MYCBP2: variants seen among roughly 807,000 people sequenced by gnomAD.
The protein encoded by MYCBP2 is MYC binding protein 2, also known as E3 ubiquitin-protein ligase MYCBP2.
A neutral mutation model predicts 525.3 loss-of-function variants in MYCBP2; 120 were observed. That is an observed-to-expected ratio of 0.23 (90% CI 0.20 to 0.27). The LOEUF is 0.27. MYCBP2 is among the 10% of genes least tolerant of loss of function. The pLI is 1.00. For synonymous variants in MYCBP2, 1,894 were observed against 1,955.8 expected, an observed-to-expected ratio of 0.97 and a Z score of 0.83; for missense variants, 4,149 against 5,657.1, an observed-to-expected ratio of 0.73 and a Z score of 8.55.
chr13:77,064,815 C>T (rs1841575480), intron 72 of MYCBP2, 81 bp from the exon 73 acceptor site: 11 of 1,290,034 alleles, frequency 8.5e-6, no homozygotes, highest in African/African-American at 1.5e-5. Context: ...AATAACATCT[C>T]CTATCAAAGG....
At chr13:77,202,667 C>A (rs2062775640) in intron 26 of MYCBP2, among the ~76,000 whole-genome samples, 1 of 151,878 alleles carries the variant, frequency 6.6e-6, no homozygotes, top group Admixed American at 6.6e-5. Flanking sequence ...CAAAACGAAT[C>A]CAGCAGCACA....
chr13:77,247,824 A>G (rs2154323444), intron 15 of MYCBP2, among the ~76,000 whole-genome samples: 1 of 152,304 alleles, frequency 6.6e-6, no homozygotes, highest in South Asian at 2.1e-4. Context: ...AAGGATAATC[A>G]TTTCAATAAA....
At position 77,144,551 on chromosome 13, in the gene MYCBP2, C is replaced by G; in HGVS notation, c.7197G>C (p.Glu2399Asp). The G allele has an allele frequency of 6.2e-7, 1 of 1,609,570 alleles. No homozygotes were observed. Among genetic ancestry groups the G allele is most frequent in the Non-Finnish European group, 8.5e-7 (1 of 1,176,018 alleles). ...FASPTPKRPS[E>D]NMLIRVNNDG... ...CATTATTGACACGGATCAGCATATT[C>G]TCACTGGGTCTGAAAAGAAATAAGA... Residue 2399 changes from glutamate (E) to aspartate (D), a missense_variant, in exon 49 of 83, where the codon GAG (glutamate) becomes GAC (aspartate). Around this residue, in one of 21 missense-constraint regions of MYCBP2, gnomAD observed 692 missense variants for 852.7 expected, o/e 0.81. Transcript: ENST00000544440.
chr13:77,246,998 A>G (rs936763315), intron 15 of MYCBP2, among the ~76,000 whole-genome samples: 2 of 152,180 alleles, frequency 1.3e-5, no homozygotes, highest in Admixed American at 1.3e-4. Context: ...TGAAAAACAC[A>G]CAGTGAACAT....
chr13:77,256,488 A>G (rs770502485), intron 14 of MYCBP2, among the ~76,000 whole-genome samples: 1 of 152,098 alleles, frequency 6.6e-6, no homozygotes, highest in Middle Eastern at 3.2e-3. Flanking sequence ...ATTATCAAAT[A>G]AATAAGAAAT....
intron 13 of MYCBP2, among the ~76,000 whole-genome samples, chr13:77,258,372 T>A (rs2072615755): frequency 6.6e-6 from 1 of 152,232 alleles, no homozygotes; most frequent in South Asian, 2.1e-4. Context: ...ACTTTCATTA[T>A]ATTTGTCATA....
At chr13:77,254,976 C>T (rs1018216789) in intron 14 of MYCBP2, among the ~76,000 whole-genome samples, 8 of 151,936 alleles carry the variant, frequency 5.3e-5, no homozygotes, top group Non-Finnish European at 8.8e-5. Flanking sequence ...GTATGTACCA[C>T]ATTTTCTTTA....
intron 24 of MYCBP2, among the ~76,000 whole-genome samples, chr13:77,206,013 CAA>C (rs992397336): frequency 6.6e-6 from 1 of 151,980 alleles, no homozygotes; most frequent in African/African-American, 2.4e-5. Flanking sequence ...AAAAAAGAAA[CAA>C]AGAGTTATAT....
At chr13:77,133,305 ATAAT>A (rs2053217637) in intron 52 of MYCBP2, among the ~76,000 whole-genome samples, 1 of 152,216 alleles carries the variant, frequency 6.6e-6, no homozygotes, top group African/African-American at 2.4e-5. Flanking sequence ...ATTAAATGAG[ATAAT>A]TAAGGCAAGG....
intron 1 of MYCBP2, 41 bp from the exon 2 acceptor site, chr13:77,296,715 C>T (rs934655267): frequency 4.1e-6 from 5 of 1,225,486 alleles, no homozygotes; most frequent in Middle Eastern, 2.7e-4. Context: ...TATGAATGTT[C>T]ATATTAGGAC....
rs1255676681 is a variant in MYCBP2, at chr13:77,178,105, A to C, written c.5134-151T>G. The C allele has an allele frequency of 1.1e-5, 7 of 611,730 alleles. No individual in the cohort carries two copies. The African/African-American group carries it at 1.3e-4, about 11-fold the overall frequency. The allele number at this position is 611,730 out of a possible 1,614,324, so 37.9% of individuals were successfully genotyped here. A position where few individuals can be genotyped will look rare whatever the true frequency, so the allele number is the denominator to read the frequency against. On this transcript the variant is annotated intron_variant, in intron 34 of 82. Transcript: ENST00000544440. ...TGTTCTACTGAGAGATTAACTCACA[A>C]TAAAACCAGATTTTATCATTCTAAA...
rs767253301 is a variant in MYCBP2 at position 77,140,849 on chromosome 13, A to T, written c.7398T>A (p.Asn2466Lys). ...LVKPKSEPQP[N>K]KVRKFVAKDS... ...TCTCAATTCATTCTGCCCTAACCTT[A>T]TTAGGCTGAGGTTCAGACTTTGGTT... is the stretch of plus-strand genomic sequence containing the variant. Residue 2466 changes from asparagine (N) to lysine (K), a missense_variant, in exon 50 of 83, where the codon AAT (asparagine) becomes AAA (lysine). Asn to Lys is a moderately conservative substitution (Grantham distance 94). Coordinates refer to ENST00000544440, the MANE Select transcript of MYCBP2 (RefSeq NM_015057.5). The T allele has an allele frequency of 1.2e-6, 2 of 1,607,658 alleles. No individual in the cohort carries two copies. The highest frequency in any genetic ancestry group is 1.7e-6 in the Non-Finnish European group (2 of 1,177,056).
rs1594036275 is a variant in MYCBP2, at chr13:77,051,979, C to T, written c.13648-61G>A. ...AAAGAAAACTCTGGCATGGGAGATACAGTATGGGCATAGTGAAAGTAAGAT... is the reference window on the plus strand; with the variant it reads ...AAAGAAAACTCTGGCATGGGAGATATAGTATGGGCATAGTGAAAGTAAGAT... On this transcript the variant is annotated intron_variant, in intron 80 of 82. Transcript: ENST00000544440. 6.5e-6 allele frequency: 8 copies of T among 1,231,930 alleles called. No individual in the cohort carries two copies. The East Asian group carries it at 1.7e-4, about 26-fold the overall frequency. The allele number at this position is 1,231,930 out of a possible 1,614,324, so 76.3% of individuals were successfully genotyped here.
At chr13:77,213,747 C>T (rs147131716) in intron 21 of MYCBP2, among the ~76,000 whole-genome samples, 57 of 152,304 alleles carry the variant, frequency 3.7e-4, no homozygotes, top group Non-Finnish European at 6.9e-4. Context: ...AGGACAATGA[C>T]TGTCTGACGT....
At chr13:77,202,663 G>A (rs567330724) in intron 26 of MYCBP2, among the ~76,000 whole-genome samples, 7 of 151,818 alleles carry the variant, frequency 4.6e-5, no homozygotes, top group South Asian at 2.1e-4. Flanking sequence ...CTGGCAAAAC[G>A]AATCCAGCAG....
chr13:77,257,528 A>G, intron 14 of MYCBP2, 143 bp downstream of exon 14: 1 of 815,020 alleles, frequency 1.2e-6, no homozygotes. Flanking sequence ...CTACCCATAA[A>G]ATTTTTAAAA....
At chr13:77,127,620 A>C (rs1467751689) in intron 52 of MYCBP2, among the ~76,000 whole-genome samples, 2 of 151,974 alleles carry the variant, frequency 1.3e-5, no homozygotes, top group Non-Finnish European at 2.9e-5. Flanking sequence ...TAATAATGTT[A>C]TAAATAGAAT....
chr13:77,158,019 G>A lies in MYCBP2; in HGVS notation c.6688C>T (p.Leu2230Phe), dbSNP rs751506090. The A allele has an allele frequency of 1.9e-6, 3 of 1,613,708 alleles. No individual in the cohort carries two copies. The highest frequency in any genetic ancestry group is 1.7e-6 in the Non-Finnish European group (2 of 1,179,746). ...ILEALEGNLP[L>F]QIQSNEQSFL... is the part of the protein sequence containing the mutation. Reference sequence around the variant, plus strand: ...GACTGTTCATTGCTTTGGATTTGGAGTGGTAAATTTCCCTCAAGTGCTTCT... The same window carrying A: ...GACTGTTCATTGCTTTGGATTTGGAATGGTAAATTTCCCTCAAGTGCTTCT... The change falls in exon 45 of 83, where the codon CTC (leucine) becomes TTC (phenylalanine). Residue 2230 changes from leucine to phenylalanine, a missense_variant. By Grantham distance (22) the Leu-to-Phe change is conservative (BLOSUM62 0). This residue lies in a region of MYCBP2 where 692 missense variants were observed against 852.7 expected (regional missense o/e 0.81). Transcript: ENST00000544440.
intron 80 of MYCBP2, among the ~76,000 whole-genome samples, chr13:77,053,528 AT>A (rs2037264607): frequency 6.6e-6 from 1 of 152,160 alleles, no homozygotes; most frequent in Non-Finnish European, 1.5e-5. Context: ...CCCTGGAAGT[AT>A]TTCGGTTTGT....
Sources: gnomAD v4.1 joint callset for allele counts (sites outside exome capture counted in the v4.1 genomes callset) on GRCh38, gnomAD v4.1.1 for gene constraint, gnomAD v4.1.1 regional missense constraint, MANE v1.5 for transcripts, NCBI Gene and HGNC (gene_info 2026-07-23, HGNC 2026-07-21) for gene names.